Variants in KCNQ2 observed in about 807,000 individuals in gnomAD.
KCNQ2 encodes the protein potassium voltage-gated channel subfamily KQT member 2.
In KCNQ2, 14 loss-of-function variants were observed where a neutral mutation model predicts 84.8. The ratio of observed to expected loss-of-function variants is 0.17; its 90% CI spans 0.11 to 0.26. KCNQ2 has a LOEUF of 0.26. Ranked by LOEUF, KCNQ2 falls within the 10% of genes least tolerant of loss-of-function variation. The pLI, the probability that KCNQ2 is intolerant of heterozygous loss-of-function variation, is 1.00. For synonymous variants in KCNQ2, 599 were observed against 554.1 expected (o/e 1.08, Z -1.14); for missense variants, 788 against 1,254.0 (o/e 0.63, Z 5.61).
At chr20:63,419,845 G>A (rs1459745661) in intron 11 of KCNQ2, among the ~76,000 whole-genome samples, 173 bp from the exon 12 acceptor site, 1 of 152,042 alleles carries the variant, frequency 6.6e-6, no homozygotes, top group African/African-American at 2.4e-5. Flanking sequence ...ACCGTCCGGA[G>A]AAGAAAACAC....
rs1242247470 is a variant in KCNQ2 at position 63,402,356 on chromosome 20, C to G, written c.*4288G>C. 2 of 156,334 alleles carry G rather than the reference C, an allele frequency of 1.3e-5. No individual in the cohort carries two copies. Among genetic ancestry groups the G allele is most frequent in the Non-Finnish European group, 2.8e-5 (2 of 70,634 alleles). 9.7% of individuals were successfully genotyped at this position (156,334 alleles called of 1,614,324 possible). ...CCTGTGATCTTGCCAATGCCCCAGC[C>G]TCTGCTCTGTACGGCATTCATAGCT... On this transcript the variant is annotated 3_prime_UTR_variant, in exon 17 of 17. Coordinates refer to ENST00000359125, the MANE Select transcript of KCNQ2 (RefSeq NM_172107.4).
intron 15 of KCNQ2, among the ~76,000 whole-genome samples, chr20:63,411,298 A>G (rs1279628497): frequency 6.6e-6 from 1 of 152,144 alleles, no homozygotes; most frequent in Non-Finnish European, 1.5e-5. Context: ...CCCAGGGCCC[A>G]GGTCTGGGCC....
intron 1 of KCNQ2, among the ~76,000 whole-genome samples, chr20:63,450,243 C>G (rs546903857): frequency 6.6e-6 from 1 of 151,354 alleles, no homozygotes; most frequent in East Asian, 2.0e-4. Flanking sequence ...GGGACCTAGA[C>G]GAAACCCTGG....
intron 8 of KCNQ2, among the ~76,000 whole-genome samples, 185 bp from the exon 9 acceptor site, chr20:63,431,554 G>GGCATGGCCGACATTCCCAGGAAAGACAT (rs2080787965): frequency 6.6e-6 from 1 of 152,088 alleles, no homozygotes; most frequent in Non-Finnish European, 1.5e-5. Context: ...CAGAAACAAG[G>GGCATGGCCGACATTCCCAGGAAAGACAT]GCATGGCCGA....
chr20:63,428,528 T>C, intron 9 of KCNQ2, 93 bp from the exon 10 acceptor site: 1 of 1,116,358 alleles, frequency 9.0e-7, no homozygotes, highest in Non-Finnish European at 1.3e-6. Flanking sequence ...GGCAGGCGCC[T>C]GCAGTGTCAG....
intron 1 of KCNQ2, among the ~76,000 whole-genome samples, chr20:63,461,870 G>A (rs1268376428): frequency 7.7e-4 from 99 of 128,310 alleles, no homozygotes; most frequent in Middle Eastern, 6.3e-3. Context: ...CACCTACCCC[G>A]GGGCAGCAGG....
intron 12 of KCNQ2, among the ~76,000 whole-genome samples, chr20:63,416,437 G>C (rs1429995867): frequency 6.6e-6 from 1 of 152,178 alleles, no homozygotes; most frequent in Non-Finnish European, 1.5e-5. Context: ...GGCCTCCTGA[G>C]GTCTGGAAAG....
chr20:63,414,191 C>T lies in KCNQ2; in HGVS notation c.1528G>A (p.Ala510Thr). Residue 510 changes from alanine to threonine, a missense_variant and splice_region_variant, in exon 14 of 17, where the codon GCA (alanine) becomes ACA (threonine). Ala to Thr is a moderately conservative substitution (Grantham distance 58). Around this residue, in one of 8 missense-constraint regions of KCNQ2, gnomAD observed 202 missense variants for 239.4 expected, o/e 0.84. Coordinates refer to ENST00000359125, the MANE Select transcript of KCNQ2 (RefSeq NM_172107.4). This position sits in a 1 kb window ranked among gnomAD's most constrained non-coding sequence, Gnocchi z 6.6. The part of the protein sequence containing the change: ...GAASRQNSEE[A>T]SLPGEDIVDD... Reference sequence around the variant, plus strand: ...ACAATGTCCTCTCCGGGGAGGCTTGCTTCTGGGGGGAAGGAGACAGGCCGT... The same window carrying T: ...ACAATGTCCTCTCCGGGGAGGCTTGTTTCTGGGGGGAAGGAGACAGGCCGT... The T allele has an allele frequency of 6.2e-7, 1 of 1,612,542 alleles. No individual in the cohort carries two copies. The highest frequency in any genetic ancestry group is 8.5e-7 in the Non-Finnish European group (1 of 1,179,064).
intron 8 of KCNQ2, among the ~76,000 whole-genome samples, chr20:63,432,441 T>C (rs1434404955): frequency 7.5e-4 from 49 of 65,012 alleles, no homozygotes; most frequent in East Asian, 1.8e-3. Flanking sequence ...CAGGGAAGGA[T>C]CCACCCACAG....
At chr20:63,443,544 TGACCATCATGACCATCACC>T (rs2081327430) in intron 4 of KCNQ2, 1 of 76,194 alleles carries the variant, frequency 1.3e-5, no homozygotes, top group African/African-American at 6.4e-5. Context: ...ACCACCACCA[TGACCATCATGACCATCACC>T]ACCACCACCA....
rs1234889402 is a variant in KCNQ2, at chr20:63,400,654, TG to T, written c.*5989del. On this transcript the variant is annotated 3_prime_UTR_variant, in exon 17 of 17. Transcript: ENST00000359125. This position sits in a 1 kb window ranked among gnomAD's most constrained non-coding sequence, Gnocchi z 8.7. ...GAGGCAACGGCGCAAATGGGGAAGC[TG>T]CAGCCACCGTCACGGCCAGAGGATG... 120 of 398,540 alleles carry T rather than the reference TG, an allele frequency of 3.0e-4. 1 individual carries two copies. The highest frequency in any genetic ancestry group is 8.8e-6 in the Non-Finnish European group (2 of 226,088). The allele number at this position is 398,540 out of a possible 1,614,324, so 24.7% of individuals were successfully genotyped here. A position where few individuals can be genotyped will look rare whatever the true frequency, so the allele number is the denominator to read the frequency against.
In KCNQ2 at chr20:63,444,836, T is replaced by C; in HGVS notation, c.515-2A>G. 6.3e-7 allele frequency: 1 copy of C among 1,589,066 alleles called. No individual in the cohort carries two copies. Among genetic ancestry groups the C allele is most frequent in the Non-Finnish European group, 8.6e-7 (1 of 1,163,990 alleles). ...TGGAGGCGATGAGCACCATGATGTC[T>C]ACAAAGCGGGCGTGGAGCTGGTGAG... On this transcript the variant is annotated splice_acceptor_variant, in intron 3 of 16. Transcript: ENST00000359125. LOFTEE classifies it high-confidence loss of function.
chr20:63,423,128 G>A (rs1056977066), intron 11 of KCNQ2, among the ~76,000 whole-genome samples: 8 of 152,202 alleles, frequency 5.3e-5, no homozygotes, highest in African/African-American at 1.9e-4. Context: ...TTGAGAGGAT[G>A]AATGAGCCCC....
Position 63,438,764 on chromosome 20 carries a change from A to G in KCNQ2, c.928-44T>C, listed in dbSNP as rs756756987. 1 of 1,506,718 alleles carries G rather than the reference A, an allele frequency of 6.6e-7. No homozygotes were observed. Among genetic ancestry groups the G allele is most frequent in the Non-Finnish European group, 9.0e-7 (1 of 1,107,144 alleles). The allele number at this position is 1,506,718 out of a possible 1,614,324, so 93.3% of individuals were successfully genotyped here. On this transcript the variant is annotated intron_variant, in intron 6 of 16. Transcript: ENST00000359125. This position sits in a 1 kb window ranked among gnomAD's most constrained non-coding sequence, Gnocchi z 5.1. ...AGGTCACACCCCAGGGACCCCCCACACCCCAATTCATCAGGGTCAGACCAT... is the reference window on the plus strand; with the variant it reads ...AGGTCACACCCCAGGGACCCCCCACGCCCCAATTCATCAGGGTCAGACCAT...
chr20:63,452,496 C>T (rs570951698), intron 1 of KCNQ2, among the ~76,000 whole-genome samples: 4 of 152,320 alleles, frequency 2.6e-5, no homozygotes, highest in South Asian at 2.1e-4. Flanking sequence ...GTGTTCATGC[C>T]GAAAAACACC....
intron 1 of KCNQ2, among the ~76,000 whole-genome samples, chr20:63,451,333 T>G (rs995538645): frequency 2.3e-4 from 35 of 152,004 alleles, no homozygotes; most frequent in African/African-American, 8.5e-4. Context: ...TGTGTCTTTT[T>G]CCTCATGATG....
intron 15 of KCNQ2, chr20:63,413,193 ACAC>A (rs1316324826): frequency 7.5e-6 from 4 of 536,648 alleles, no homozygotes; most frequent in East Asian, 6.7e-5. Context: ...ACATGCACAC[ACAC>A]ATTTTCAGGG....
chr20:63,472,156 C>A lies in KCNQ2; in HGVS notation c.296+12G>T. 1.3e-6 allele frequency: 2 copies of A among 1,490,354 alleles called. No individual in the cohort carries two copies. The highest frequency in any genetic ancestry group is 1.8e-6 in the Non-Finnish European group (2 of 1,118,684). 92.3% of individuals were successfully genotyped at this position (1,490,354 alleles called of 1,614,324 possible). A position where few individuals can be genotyped will look rare whatever the true frequency, so the allele number is the denominator to read the frequency against. On this transcript the variant is annotated intron_variant, in intron 1 of 16. Coordinates refer to ENST00000359125, the MANE Select transcript of KCNQ2 (RefSeq NM_172107.4). ...CATGGGGGTCGCCACGGGGGCCCCG[C>A]CGGCCACTCACACGTAGGCGTGGTA...
At chr20:63,443,022 C>A (rs1003744926) in intron 4 of KCNQ2, among the ~76,000 whole-genome samples, 1,451 of 58,350 alleles carry the variant, frequency 0.025, no homozygotes, top group Non-Finnish European at 0.038. Flanking sequence ...ATCACCACCA[C>A]CATCACATCA....
Sources: gnomAD v4.1 joint callset for allele counts (sites outside exome capture counted in the v4.1 genomes callset) on GRCh38, gnomAD v4.1.1 for gene constraint, gnomAD v4.1.1 regional missense constraint, Gnocchi (gnomAD v3.1) non-coding constraint, MANE v1.5 for transcripts, NCBI Gene and HGNC (gene_info 2026-07-23, HGNC 2026-07-21) for gene names.